The following COL12A1 variants were observed in gnomAD, a reference collection of about 807,000 sequenced individuals.
COL12A1 encodes the protein collagen type XII alpha 1 chain.
COL12A1 carries 114 observed loss-of-function variants against 349.7 expected under a neutral mutation model. The ratio of observed to expected loss-of-function variants is 0.33; its 90% CI spans 0.28 to 0.38. COL12A1 has a LOEUF of 0.38. COL12A1 is among the 10% of genes least tolerant of loss of function. The probability of loss-of-function intolerance (pLI) is 1.00; values close to 1 mark genes in which losing one functional copy is unlikely to be tolerated. For synonymous variants in COL12A1, 1,369 were observed against 1,329.0 expected, an observed-to-expected ratio of 1.03 and a Z score of -0.66; for missense variants, 3,284 against 3,756.9, an observed-to-expected ratio of 0.87 and a Z score of 3.29.
At chr6:75,109,664 CAT>C (rs1423066107) in intron 51 of COL12A1, among the ~76,000 whole-genome samples, 2 of 152,212 alleles carry the variant, frequency 1.3e-5, no homozygotes, top group African/African-American at 2.4e-5. Flanking sequence ...AGAACTAGCA[CAT>C]GTCTTCTATA....
chr6:75,129,032 T>G (rs1404281409), intron 37 of COL12A1, among the ~76,000 whole-genome samples: 1 of 152,236 alleles, frequency 6.6e-6, no homozygotes, highest in African/African-American at 2.4e-5. Flanking sequence ...ACAAACAACA[T>G]GGATAAGGTA....
chr6:75,156,006 T>C (rs761706664), intron 15 of COL12A1, 152 bp from the exon 16 acceptor site: 4 of 930,182 alleles, frequency 4.3e-6, no homozygotes, highest in Non-Finnish European at 6.3e-6. Flanking sequence ...GATAACAGAG[T>C]GCTAGCTAAG....
intron 14 of COL12A1, among the ~76,000 whole-genome samples, chr6:75,164,499 C>G (rs1208995125): frequency 6.6e-6 from 1 of 152,210 alleles, no homozygotes; most frequent in African/African-American, 2.4e-5. Flanking sequence ...TTTTCTCCTA[C>G]AAATGCTTAG....
intron 49 of COL12A1, among the ~76,000 whole-genome samples, chr6:75,114,413 C>T (rs540428469): frequency 9.2e-4 from 140 of 152,068 alleles, no homozygotes; most frequent in Middle Eastern, 3.4e-3. Flanking sequence ...TTTATTGGCC[C>T]TCAGCTGTAA....
intron 64 of COL12A1, 75 bp downstream of exon 64, chr6:75,089,031 T>C: frequency 9.3e-7 from 1 of 1,077,172 alleles, no homozygotes; most frequent in Non-Finnish European, 1.4e-6. Flanking sequence ...CAGGATGAAG[T>C]TGTGAATCTC....
intron 49 of COL12A1, among the ~76,000 whole-genome samples, chr6:75,115,243 AAGAAATAC>A (rs1234129787): frequency 3.2e-4 from 48 of 152,286 alleles, no homozygotes; most frequent in African/African-American, 1.1e-3. Context: ...TTTAATGAAT[AAGAAATAC>A]AGAGTTCAGT....
Position 75,085,615 on chromosome 6 carries a change from A to G in COL12A1, c.*932T>C. 3.2e-6 allele frequency: 1 copy of G among 308,914 alleles called. No homozygotes were observed. 19.1% of individuals were successfully genotyped at this position (308,914 alleles called of 1,614,324 possible). Reference sequence around the variant, plus strand: ...CACAATCATTGCACAAATACTTGGGAAGGGTCAGAGACTGGGCCAAAGAAC... The same window carrying G: ...CACAATCATTGCACAAATACTTGGGGAGGGTCAGAGACTGGGCCAAAGAAC... On this transcript the variant is annotated 3_prime_UTR_variant, in exon 66 of 66. Coordinates refer to ENST00000322507, the MANE Select transcript of COL12A1 (RefSeq NM_004370.6).
Position 75,154,456 on chromosome 6 carries a change from T to C in COL12A1, c.3525A>G (p.Thr1175=). The change falls in exon 17 of 66, where the codon ACA becomes ACG. Residue 1175 remains threonine (T), a synonymous_variant. Coordinates refer to ENST00000322507, the MANE Select transcript of COL12A1 (RefSeq NM_004370.6). The stretch of plus-strand genomic sequence containing the variant: ...GCATAACAGTTGTGTCGGAAAGGGT[T>C]GTCATTTCTTGTCCAACAAGTGGTG... ...ESSPLVGQEM[T]TLSDTTVMPI... 5.0e-6 allele frequency: 8 copies of C among 1,612,952 alleles called. No homozygotes were observed. The highest frequency in any genetic ancestry group is 5.9e-6 in the Non-Finnish European group (7 of 1,179,252).
At chr6:75,117,052 A>T (rs1174697964) in intron 47 of COL12A1, among the ~76,000 whole-genome samples, 2 of 152,134 alleles carry the variant, frequency 1.3e-5, no homozygotes, top group Non-Finnish European at 2.9e-5. Flanking sequence ...AATGGGGAAA[A>T]CCTTCATCTC....
intron 26 of COL12A1, 24 bp downstream of exon 26, chr6:75,143,228 T>A (rs777104060): frequency 1.2e-6 from 2 of 1,612,294 alleles, no homozygotes; most frequent in African/African-American, 2.7e-5. Context: ...AATATTTTCA[T>A]ATCTACTATC....
rs1194621615 is a variant in COL12A1 at position 75,175,263 on chromosome 6, T to C, written c.2485A>G (p.Thr829Ala). Reference sequence around the variant, plus strand: ...GCCCCACTCCAAGATAATTTCATAGTAGACGTCGTAGGGTCAGAAACTCTT... The same window carrying C: ...GCCCCACTCCAAGATAATTTCATAGCAGACGTCGTAGGGTCAGAAACTCTT... ...DLRVSDPTTS[T>A]MKLSWSGAPG... The change falls in exon 13 of 66, where the codon ACT (threonine) becomes GCT (alanine). Residue 829 changes from threonine to alanine, a missense_variant. By Grantham distance (58) the Thr-to-Ala change is moderately conservative. Coordinates refer to ENST00000322507, the MANE Select transcript of COL12A1 (RefSeq NM_004370.6). 1.9e-6 allele frequency: 3 copies of C among 1,614,200 alleles called. No homozygotes were observed. The highest frequency in any genetic ancestry group is 2.5e-6 in the Non-Finnish European group (3 of 1,180,014).
chr6:75,109,341 T>C (rs1768719029), intron 51 of COL12A1, among the ~76,000 whole-genome samples, 174 bp from the exon 52 acceptor site: 1 of 152,140 alleles, frequency 6.6e-6, no homozygotes, highest in Non-Finnish European at 1.5e-5. Context: ...CATTTGCTAA[T>C]AATATGAAAT....
chr6:75,135,950 T>G (rs1308454418), intron 31 of COL12A1, among the ~76,000 whole-genome samples: 1 of 152,166 alleles, frequency 6.6e-6, no homozygotes, highest in Non-Finnish European at 1.5e-5. Flanking sequence ...CCAAAATAAT[T>G]CTAGCATCAG....
chr6:75,165,420 T>C, intron 14 of COL12A1, 87 bp downstream of exon 14: 2 of 1,476,726 alleles, frequency 1.4e-6, no homozygotes, highest in South Asian at 2.6e-5. Context: ...AGAAAAAACA[T>C]TCAAGTGATT....
chr6:75,147,189 G>A (rs1306101043), intron 23 of COL12A1, among the ~76,000 whole-genome samples: 1 of 152,204 alleles, frequency 6.6e-6, no homozygotes, highest in African/African-American at 2.4e-5. Context: ...CTGGCCGTTA[G>A]TAAAAGTGAA....
At chr6:75,103,683 C>A in intron 55 of COL12A1, 74 bp downstream of exon 55, 1 of 1,278,712 alleles carries the variant, frequency 7.8e-7, no homozygotes, top group Non-Finnish European at 1.1e-6. Flanking sequence ...ATCACATACC[C>A]CCTTTGTGAA....
intron 13 of COL12A1, among the ~76,000 whole-genome samples, chr6:75,168,839 G>A (rs1768461174): frequency 6.6e-6 from 1 of 152,182 alleles, no homozygotes; most frequent in Non-Finnish European, 1.5e-5. Context: ...TCAAAATAAA[G>A]ACAGGTATGG....
intron 2 of COL12A1, among the ~76,000 whole-genome samples, chr6:75,199,322 CTA>C (rs1770405290): frequency 6.6e-6 from 1 of 152,134 alleles, no homozygotes; most frequent in African/African-American, 2.4e-5. Context: ...TAGATGATCT[CTA>C]TGTTAGCCTC....
intron 45 of COL12A1, 29 bp from the exon 46 acceptor site, chr6:75,119,215 T>G (rs1224361988): frequency 1.2e-6 from 2 of 1,613,716 alleles, no homozygotes; most frequent in South Asian, 2.2e-5. Context: ...AAAATTTTAG[T>G]GTCACTTCAG....
Sources: gnomAD v4.1 joint callset for allele counts (sites outside exome capture counted in the v4.1 genomes callset) on GRCh38, gnomAD v4.1.1 for gene constraint, MANE v1.5 for transcripts, NCBI Gene and HGNC (gene_info 2026-07-23, HGNC 2026-07-21) for gene names.